The following GPD2 variants were observed in gnomAD, a reference collection of about 807,000 sequenced individuals.
GPD2 encodes glycerol-3-phosphate dehydrogenase 2.
GPD2 carries 54 observed loss-of-function variants against 82.4 expected under a neutral mutation model. The ratio of observed to expected loss-of-function variants is 0.66; its 90% CI spans 0.53 to 0.82. The LOEUF (loss-of-function observed/expected upper bound fraction) is 0.82, where lower values mean the gene tolerates loss of function less well. Among genes scored for constraint, GPD2 ranks in the 40% least tolerant of loss-of-function variants. GPD2 has a pLI of 0.00. For synonymous variants in GPD2, 288 were observed against 306.1 expected (o/e 0.94, Z 0.62); for missense variants, 748 against 896.2 (o/e 0.83, Z 2.11).
upstream of GPD2, among the ~76,000 whole-genome samples, chr2:156,431,861 T>C (rs1688319963): frequency 6.6e-6 from 1 of 151,362 alleles, no homozygotes; most frequent in Non-Finnish European, 1.5e-5. Flanking sequence ...TTTTATTTTA[T>C]ACGTGTCTGC....
chr2:156,442,908 T>C (rs1175371581), intron 1 of GPD2, among the ~76,000 whole-genome samples: 1 of 152,230 alleles, frequency 6.6e-6, no homozygotes, highest in Non-Finnish European at 1.5e-5. Context: ...CATGCTTCCA[T>C]GGATTACTCT....
At chr2:156,421,585 C>T in the GPD2 span, among the ~76,000 whole-genome samples, 1 of 152,262 alleles carries the variant, frequency 6.6e-6, no homozygotes, top group South Asian at 2.1e-4. Context: ...AAATTCCCAA[C>T]TCTTATCCTT....
chr2:156,439,177 T>C (rs1682054050), intron 1 of GPD2, among the ~76,000 whole-genome samples: 1 of 152,218 alleles, frequency 6.6e-6, no homozygotes, highest in African/African-American at 2.4e-5. Context: ...ATTCTGCATA[T>C]GCAAGAAATC....
chr2:156,553,136 G>A (rs1573994050), intron 8 of GPD2, among the ~76,000 whole-genome samples: 1 of 151,796 alleles, frequency 6.6e-6, no homozygotes, highest in South Asian at 2.1e-4. Context: ...TGATCTGCCC[G>A]CCTCGCCTCC....
intron 1 of GPD2, among the ~76,000 whole-genome samples, chr2:156,450,352 A>G (rs1336485066): frequency 3.3e-5 from 5 of 152,178 alleles, no homozygotes; most frequent in Non-Finnish European, 5.9e-5. Context: ...TATAGGTTAT[A>G]TTTGATACTG....
chr2:156,551,121 A>G (rs1447814490), intron 8 of GPD2, among the ~76,000 whole-genome samples: 1 of 152,220 alleles, frequency 6.6e-6, no homozygotes, highest in Non-Finnish European at 1.5e-5. Context: ...AATTTTGCAG[A>G]ATACCCAAAT....
chr2:156,558,765 CTTTTTTTTTTTT>C (rs34524248), intron 9 of GPD2, among the ~76,000 whole-genome samples: 184 of 40,904 alleles, frequency 4.5e-3, no homozygotes, highest in African/African-American at 0.018. Flanking sequence ...GCCCAGCTAA[CTTTTTTTTTTTT>C]TTTTTTTTTT....
the GPD2 span, among the ~76,000 whole-genome samples, chr2:156,413,720 C>T: frequency 1.3e-5 from 2 of 151,920 alleles, no homozygotes; most frequent in African/African-American, 4.8e-5. Flanking sequence ...GCCTGGCCAA[C>T]AAGGTGAGAC....
chr2:156,546,075 C>T (rs1455356049), intron 6 of GPD2, among the ~76,000 whole-genome samples: 1 of 152,222 alleles, frequency 6.6e-6, no homozygotes, highest in Non-Finnish European at 1.5e-5. Context: ...AGTTCCACCT[C>T]TTGTGTGCTT....
chr2:156,560,887 A>T (rs960131196), intron 9 of GPD2, among the ~76,000 whole-genome samples: 5 of 152,182 alleles, frequency 3.3e-5, no homozygotes, highest in African/African-American at 9.6e-5. Flanking sequence ...CCTCATTTTT[A>T]AAAACTTCCT....
chr2:156,520,766 AG>A (rs1378698674), intron 6 of GPD2, among the ~76,000 whole-genome samples: 2 of 151,776 alleles, frequency 1.3e-5, no homozygotes, highest in African/African-American at 4.8e-5. Flanking sequence ...TTTGTATTTC[AG>A]TAGAGATGGG....
the GPD2 span, among the ~76,000 whole-genome samples, chr2:156,412,030 A>G: frequency 6.6e-6 from 1 of 152,232 alleles, no homozygotes; most frequent in Admixed American, 6.5e-5. Flanking sequence ...GAAACCATGC[A>G]AAGCTTCTCT....
At chr2:156,553,895 A>G (rs1322256497) in intron 8 of GPD2, among the ~76,000 whole-genome samples, 5 of 152,234 alleles carry the variant, frequency 3.3e-5, no homozygotes, top group African/African-American at 1.2e-4. Flanking sequence ...TGTTAGTTAC[A>G]GCTAGGTCTG....
chr2:156,571,517 T>G (rs1355135812), intron 13 of GPD2, among the ~76,000 whole-genome samples: 1 of 152,152 alleles, frequency 6.6e-6, no homozygotes. Flanking sequence ...AAATTTGTGG[T>G]CATAATTCCT....
At chr2:156,534,631 T>A (rs1354045446) in intron 6 of GPD2, among the ~76,000 whole-genome samples, 1 of 152,234 alleles carries the variant, frequency 6.6e-6, no homozygotes, top group Non-Finnish European at 1.5e-5. Context: ...TTTTGTATAG[T>A]AAGTTGAAAG....
At chr2:156,503,714 T>C (rs986076853) in intron 3 of GPD2, among the ~76,000 whole-genome samples, 3 of 152,198 alleles carry the variant, frequency 2.0e-5, no homozygotes, top group Non-Finnish European at 4.4e-5. Flanking sequence ...TGGTATCAGA[T>C]AGTGTTCTTT....
At chr2:156,424,163 ACT>A in the GPD2 span, among the ~76,000 whole-genome samples, 6 of 150,522 alleles carry the variant, frequency 4.0e-5, no homozygotes, top group Non-Finnish European at 5.9e-5. Flanking sequence ...CATATGAAGG[ACT>A]CAGGTTACCT....
chr2:156,561,469 TG>T (rs1161026749), intron 9 of GPD2, among the ~76,000 whole-genome samples: 2 of 152,140 alleles, frequency 1.3e-5, no homozygotes, highest in African/African-American at 2.4e-5. Flanking sequence ...GGTTTCCTGA[TG>T]GGATACTATG....
the GPD2 span, among the ~76,000 whole-genome samples, chr2:156,422,473 G>A: frequency 1.3e-5 from 2 of 152,018 alleles, no homozygotes; most frequent in African/African-American, 4.8e-5. Context: ...GCTCACTCCT[G>A]TAATCCCAGC....
Sources: allele counts gnomAD v4.1 joint callset (sites outside exome capture counted in the v4.1 genomes callset), GRCh38; gene constraint gnomAD v4.1.1; transcripts MANE v1.5; gene names NCBI Gene and HGNC (gene_info 2026-07-23, HGNC 2026-07-21).